Variants in SMOC2 observed in about 807,000 individuals in gnomAD.
The protein encoded by SMOC2 is SPARC-related modular calcium-binding protein 2.
In SMOC2, 39 loss-of-function variants were observed where a neutral mutation model predicts 61.4. The ratio of observed to expected loss-of-function variants is 0.64; its 90% confidence interval spans 0.49 to 0.83. SMOC2 has a LOEUF of 0.83. Ranked by LOEUF, SMOC2 falls within the 40% of genes least tolerant of loss-of-function variation. SMOC2 has a pLI of 0.00. For synonymous variants in SMOC2, 247 were observed against 239.9 expected (o/e 1.03, Z -0.27); for missense variants, 556 against 592.9 (o/e 0.94, Z 0.65).
At chr6:168,462,498 C>T (rs1781738930) in intron 1 of SMOC2, among the ~76,000 whole-genome samples, 1 of 152,078 alleles carries the variant, frequency 6.6e-6, no homozygotes, top group Non-Finnish European at 1.5e-5. Flanking sequence ...GCTGCTGCTC[C>T]AGGAGGGTGG....
chr6:168,633,066 G>C (rs1786611853), intron 9 of SMOC2, among the ~76,000 whole-genome samples: 1 of 152,150 alleles, frequency 6.6e-6, no homozygotes, highest in Non-Finnish European at 1.5e-5. Context: ...GAGAAACCAG[G>C]TAAACCCAAT....
At chr6:168,447,700 G>T (rs1781360367) in intron 1 of SMOC2, among the ~76,000 whole-genome samples, 1 of 152,132 alleles carries the variant, frequency 6.6e-6, no homozygotes. Flanking sequence ...TAAACACGAT[G>T]GCCTGTGGTG....
At chr6:168,447,582 G>A (rs1781358329) in intron 1 of SMOC2, among the ~76,000 whole-genome samples, 1 of 152,098 alleles carries the variant, frequency 6.6e-6, no homozygotes, top group African/African-American at 2.4e-5. Flanking sequence ...CCCAGCCGAG[G>A]GCAGACATTT....
chr6:168,457,230 T>C (rs1781605736), intron 1 of SMOC2, among the ~76,000 whole-genome samples: 1 of 152,094 alleles, frequency 6.6e-6, no homozygotes, highest in African/African-American at 2.4e-5. Context: ...ACACTTTCAA[T>C]AAAAACAAAG....
At chr6:168,608,956 G>A (rs1327971575) in intron 9 of SMOC2, among the ~76,000 whole-genome samples, 1 of 152,186 alleles carries the variant, frequency 6.6e-6, no homozygotes, top group Non-Finnish European at 1.5e-5. Flanking sequence ...TACAGAAACT[G>A]GATGAATTCC....
chr6:168,602,339 CT>C (rs1785573364), intron 8 of SMOC2, among the ~76,000 whole-genome samples: 1 of 152,192 alleles, frequency 6.6e-6, no homozygotes, highest in African/African-American at 2.4e-5. Context: ...TTGTTTTGGT[CT>C]GTTCTGCCGT....
At chr6:168,569,337 G>T (rs768512390) in intron 7 of SMOC2, among the ~76,000 whole-genome samples, 1 of 152,086 alleles carries the variant, frequency 6.6e-6, no homozygotes, top group Admixed American at 6.5e-5. Context: ...CTTTGATAGG[G>T]TGTCGGTTCA....
At chr6:168,592,302 C>G (rs1292551357) in intron 7 of SMOC2, among the ~76,000 whole-genome samples, 1 of 148,280 alleles carries the variant, frequency 6.7e-6, no homozygotes, top group Non-Finnish European at 1.5e-5. Context: ...GCTCCTCCTC[C>G]TCCCTGAGGC....
At chr6:168,623,385 C>T (rs1786295564) in intron 9 of SMOC2, among the ~76,000 whole-genome samples, 1 of 138,062 alleles carries the variant, frequency 7.2e-6, no homozygotes, top group South Asian at 2.3e-4. Flanking sequence ...GGCTGGAGTT[C>T]AGTGACATGA....
chr6:168,660,563 G>A (rs904318682), intron 11 of SMOC2, among the ~76,000 whole-genome samples: 9 of 152,344 alleles, frequency 5.9e-5, no homozygotes, highest in African/African-American at 9.6e-5. Context: ...GGACCCAAGC[G>A]TTTCCTTCTG....
chr6:168,649,152 A>G (rs549218050), intron 9 of SMOC2, among the ~76,000 whole-genome samples: 4 of 152,322 alleles, frequency 2.6e-5, no homozygotes, highest in Admixed American at 1.3e-4. Context: ...GGCCGTCCTC[A>G]GTCCCACTCG....
intron 1 of SMOC2, among the ~76,000 whole-genome samples, chr6:168,467,619 T>A (rs1781874765): frequency 6.6e-6 from 1 of 152,070 alleles, no homozygotes; most frequent in African/African-American, 2.4e-5. Context: ...AACCTGCTAA[T>A]TTTTAAAAAT....
intron 3 of SMOC2, among the ~76,000 whole-genome samples, chr6:168,527,006 A>G (rs1446311792): frequency 6.6e-6 from 1 of 152,246 alleles, no homozygotes; most frequent in Non-Finnish European, 1.5e-5. Flanking sequence ...AGGAAAAACA[A>G]AGTACTAACA....
chr6:168,635,728 G>A (rs1234930910), intron 9 of SMOC2, among the ~76,000 whole-genome samples: 2 of 151,864 alleles, frequency 1.3e-5, no homozygotes, highest in Non-Finnish European at 2.9e-5. Context: ...AAAATTAGCC[G>A]GGCGTGGTGG....
At chr6:168,493,317 G>A (rs1027017417) in intron 1 of SMOC2, among the ~76,000 whole-genome samples, 18 of 152,146 alleles carry the variant, frequency 1.2e-4, no homozygotes, top group Non-Finnish European at 1.9e-4. Context: ...GATTACAGGT[G>A]TGAGCCACCA....
chr6:168,529,416 C>T lies in SMOC2; in HGVS notation c.463+1689C>T, dbSNP rs547555006. On this transcript the variant is annotated intron_variant, in intron 4 of 12. Coordinates refer to ENST00000356284, the MANE Select transcript of SMOC2 (RefSeq NM_001166412.2). ...TCTGTGAGGGGGGGCAGTGTTTCCA[C>T]GTCGGGGCAGGGTTCCGCTGGCTGC... Among the ~76,000 whole-genome samples the T allele has an allele frequency of 2.7e-4, 41 of 152,306 alleles. No homozygotes were observed. The East Asian group carries it at 5.0e-3, about 19-fold the overall frequency.
In SMOC2 at chr6:168,612,134, G is replaced by A. The variant is rs112468130; in HGVS notation, c.907+3895G>A. ...TGCTTATCTAGGGCCCCGCAGCACT[G>A]GTCTTGAATGGGCTTTCCAGTGTGG... On this transcript the variant is annotated intron_variant, in intron 9 of 12. Transcript: ENST00000356284. 4.6e-3 allele frequency among the ~76,000 whole-genome samples: 697 copies of A among 152,350 alleles called. 3 individuals are homozygous for A. The highest frequency in any genetic ancestry group is 7.5e-3 in the Non-Finnish European group (512 of 68,034).
intron 1 of SMOC2, among the ~76,000 whole-genome samples, chr6:168,466,623 A>G (rs767134015): frequency 5.3e-5 from 8 of 152,228 alleles, no homozygotes; most frequent in Non-Finnish European, 8.8e-5. Context: ...GAAAAACAGC[A>G]TATTTGTCAT....
In SMOC2 at chr6:168,544,698, TA is replaced by T. The variant is rs1375216404; in HGVS notation, c.511+1031del. ...AAAAACAAAAACAAAATAATAAAAA[TA>T]AAAATCGGAGTTTTATTCAACCAAT... On this transcript the variant is annotated intron_variant, in intron 5 of 12. Coordinates refer to ENST00000356284, the MANE Select transcript of SMOC2 (RefSeq NM_001166412.2). The surrounding 1 kb of genome is among the most constrained non-coding windows in gnomAD (Gnocchi z 4.1). Among the ~76,000 whole-genome samples the T allele has an allele frequency of 6.6e-6, 1 of 152,072 alleles. No homozygotes were observed. The highest frequency in any genetic ancestry group is 1.5e-5 in the Non-Finnish European group (1 of 68,018).
Sources: allele counts gnomAD v4.1 joint callset (sites outside exome capture counted in the v4.1 genomes callset), GRCh38; gene constraint gnomAD v4.1.1; non-coding constraint Gnocchi (gnomAD v3.1); transcripts MANE v1.5; gene names NCBI Gene and HGNC (gene_info 2026-07-23, HGNC 2026-07-21).